Variants in FAF1 observed in about 807,000 individuals in gnomAD.
The protein encoded by FAF1 is FAS-associated factor 1.
In FAF1, 25 loss-of-function variants were observed where a neutral mutation model predicts 92.5. The observed-to-expected ratio is 0.27, with a 90% confidence interval of 0.20 to 0.38. The LOEUF (loss-of-function observed/expected upper bound fraction) is 0.38. Among genes scored for constraint, FAF1 ranks in the 10% least tolerant of loss-of-function variants. FAF1 has a pLI of 1.00. For synonymous variants in FAF1, 234 were observed against 273.2 expected (o/e 0.86, Z 1.42); for missense variants, 636 against 793.3 (o/e 0.80, Z 2.38).
intron 15 of FAF1, among the ~76,000 whole-genome samples, chr1:50,510,492 A>T (rs1168256292): frequency 3.9e-5 from 6 of 152,138 alleles, no homozygotes. Context: ...AATTACATGA[A>T]CATGAGCCTC....
chr1:50,443,798 C>A (rs546959280), intron 18 of FAF1, among the ~76,000 whole-genome samples: 1 of 152,134 alleles, frequency 6.6e-6, no homozygotes, highest in Non-Finnish European at 1.5e-5. Flanking sequence ...TGGGTAGGGG[C>A]CCTGATCTTT....
chr1:50,748,232 ATGCCTGTAATC>A (rs1659705689), intron 4 of FAF1, among the ~76,000 whole-genome samples: 1 of 152,346 alleles, frequency 6.6e-6, no homozygotes, highest in African/African-American at 2.4e-5. Context: ...GTGGTGGCTC[ATGCCTGTAATC>A]CCAGCACTTT....
rs374975545 is a variant in FAF1, at chr1:50,781,475, C to T, written c.367+6525G>A. 1.8e-4 allele frequency among the ~76,000 whole-genome samples: 28 copies of T among 152,188 alleles called. No individual in the cohort carries two copies. In the South Asian group the frequency reaches 4.6e-3, roughly 25 times the overall value. On this transcript the variant is annotated intron_variant, in intron 4 of 18. Transcript: ENST00000396153. The stretch of plus-strand genomic sequence containing the variant: ...AGGAAGATATCCATAAATATATATG[C>T]ATCCAATACTGAAGTACCCAAATAT...
chr1:50,766,263 A>G (rs72902729), intron 4 of FAF1, among the ~76,000 whole-genome samples: 10,088 of 152,324 alleles, frequency 0.066, 417 homozygotes, highest in East Asian at 0.094. Context: ...ATGTTTTATA[A>G]TATGAGAAAT....
chr1:50,585,917 T>C (rs1457162382), intron 9 of FAF1, among the ~76,000 whole-genome samples: 1 of 144,842 alleles, frequency 6.9e-6, no homozygotes, highest in Non-Finnish European at 1.5e-5. Flanking sequence ...AAGTCTGGCA[T>C]GATGGTGTGC....
chr1:50,819,765 G>GTA lies in FAF1; in HGVS notation c.115-18090_115-18089dup, dbSNP rs1197224495. 5.7e-3 allele frequency among the ~76,000 whole-genome samples: 229 copies of GTA among 40,164 alleles called. 26 individuals carry two copies. Among genetic ancestry groups the GTA allele is most frequent in the Non-Finnish European group, 7.7e-3 (188 of 24,296 alleles). The allele number at this position is 40,164 out of a possible 152,430, so 26.3% of individuals were successfully genotyped here. ...CATATATATATACATATATATATAC[G>GTA]TATATATATATACATATATATACAT... On this transcript the variant is annotated intron_variant, in intron 2 of 18. Coordinates refer to ENST00000396153, the MANE Select transcript of FAF1 (RefSeq NM_007051.3).
intron 13 of FAF1, among the ~76,000 whole-genome samples, chr1:50,561,848 C>CGGGAGGAAGGAA (rs1649921404): frequency 7.8e-6 from 1 of 128,484 alleles, no homozygotes; most frequent in Non-Finnish European, 1.6e-5. Context: ...GACGGATGGA[C>CGGGAGGAAGGAA]GGAAGGAAGG....
At chr1:50,809,160 G>C (rs1271174907) in intron 2 of FAF1, among the ~76,000 whole-genome samples, 2 of 151,872 alleles carry the variant, frequency 1.3e-5, no homozygotes, top group Non-Finnish European at 2.9e-5. Context: ...AACACCCACA[G>C]CAAAAAGTTA....
intron 2 of FAF1, among the ~76,000 whole-genome samples, chr1:50,816,810 T>C (rs768303017): frequency 7.2e-5 from 11 of 152,234 alleles, no homozygotes; most frequent in Non-Finnish European, 8.8e-5. Context: ...TCTTATAGTT[T>C]GGGGTCTTAC....
chr1:50,609,708 T>C (rs764591264), intron 8 of FAF1, among the ~76,000 whole-genome samples: 1 of 151,664 alleles, frequency 6.6e-6, no homozygotes, highest in Admixed American at 6.6e-5. Flanking sequence ...AATGACATCA[T>C]CTCCACCTGA....
intron 12 of FAF1, among the ~76,000 whole-genome samples, chr1:50,569,297 A>T (rs1650319842): frequency 6.6e-6 from 1 of 152,154 alleles, no homozygotes; most frequent in South Asian, 2.1e-4. Flanking sequence ...TAAATTTCTC[A>T]AAAGAGAGAA....
chr1:50,507,706 A>G (rs1557973952), intron 15 of FAF1, among the ~76,000 whole-genome samples: 3 of 151,920 alleles, frequency 2.0e-5, no homozygotes, highest in Admixed American at 1.3e-4. Context: ...ATAGTGTGAA[A>G]CCCTGTCTTA....
At chr1:50,674,250 C>G (rs539402916) in intron 7 of FAF1, among the ~76,000 whole-genome samples, 124 of 151,606 alleles carry the variant, frequency 8.2e-4, no homozygotes, top group African/African-American at 2.9e-3. Context: ...TGCTCCGGGC[C>G]CCAAGGCAAT....
chr1:50,822,746 TTTTC>T (rs758301200), intron 2 of FAF1, among the ~76,000 whole-genome samples: 1,690 of 144,240 alleles, frequency 0.012, 19 homozygotes, highest in Middle Eastern at 0.063. Context: ...TTTTGGTGTT[TTTTC>T]TTTCTTTCTT....
intron 8 of FAF1, among the ~76,000 whole-genome samples, chr1:50,619,922 TTTTTGAGACAGAGTCTTGCTCTGTCTC>T: frequency 6.6e-6 from 1 of 151,454 alleles, no homozygotes; most frequent in East Asian, 1.9e-4. Context: ...TTTTTTTTTT[TTTTTGAGACAGAGTCTTGCTCTGTCTC>T]CCAGGCTGGA....
rs1278967161 is a variant in FAF1 at position 50,850,950 on chromosome 1, AATG to A, written c.114+6976_114+6978del. On this transcript the variant is annotated intron_variant, in intron 2 of 18. Coordinates refer to ENST00000396153, the MANE Select transcript of FAF1 (RefSeq NM_007051.3). ...TGTGCTAAACCACTGACTTTGCTAC[AATG>A]ATATTTTGTTTAAACTTCCAGTAAT... Among the ~76,000 whole-genome samples, 6 of 152,330 alleles carry A rather than the reference AATG, an allele frequency of 3.9e-5. No homozygotes were observed. In the East Asian group the frequency reaches 1.2e-3, roughly 29 times the overall value.
At chr1:50,483,165 A>G (rs945463429) in intron 17 of FAF1, among the ~76,000 whole-genome samples, 8 of 152,126 alleles carry the variant, frequency 5.3e-5, no homozygotes, top group African/African-American at 1.9e-4. Flanking sequence ...CTTGTGATGC[A>G]ATATATGAAT....
chr1:50,713,376 C>T (rs1658028943), intron 6 of FAF1, among the ~76,000 whole-genome samples: 1 of 151,912 alleles, frequency 6.6e-6, no homozygotes, highest in South Asian at 2.1e-4. Flanking sequence ...CAGGATCAAG[C>T]GATTCTCCTG....
At chr1:50,490,499 G>T in intron 17 of FAF1, 89 bp downstream of exon 17, 1 of 672,242 alleles carries the variant, frequency 1.5e-6, no homozygotes, top group Non-Finnish European at 2.7e-6. Flanking sequence ...GGAAAGGAAG[G>T]AAGGAAGGAA....
Sources: gnomAD v4.1 joint callset for allele counts (sites outside exome capture counted in the v4.1 genomes callset) on GRCh38, gnomAD v4.1.1 for gene constraint, MANE v1.5 for transcripts, NCBI Gene and HGNC (gene_info 2026-07-23, HGNC 2026-07-21) for gene names.